MAP4K4: variants seen among roughly 807,000 people sequenced by gnomAD.
MAP4K4 encodes the protein HPK/GCK-like kinase HGK.
MAP4K4 carries 38 observed loss-of-function variants against 189.6 expected under a neutral mutation model. The observed-to-expected ratio is 0.20, with a 90% CI of 0.15 to 0.26. The LOEUF (loss-of-function observed/expected upper bound fraction) is 0.26, where lower values mean the gene tolerates loss of function less well. MAP4K4 is among the 10% of genes least tolerant of loss of function. The probability of loss-of-function intolerance (pLI) is 1.00; values close to 1 mark genes in which losing one functional copy is unlikely to be tolerated. For missense variants in MAP4K4, 1,054 were observed against 1,726.9 expected (o/e 0.61, Z 6.91); for synonymous variants, 610 against 624.3 (o/e 0.98, Z 0.34).
At chr2:101,797,002 C>T (rs1053409926) in intron 3 of MAP4K4, among the ~76,000 whole-genome samples, 2 of 152,206 alleles carry the variant, frequency 1.3e-5, no homozygotes, top group Admixed American at 1.3e-4. Flanking sequence ...GCCTTCTGAG[C>T]TCTGACCACG....
intron 2 of MAP4K4, among the ~76,000 whole-genome samples, chr2:101,760,528 ATATG>A (rs1179498156): frequency 1.8e-4 from 20 of 108,512 alleles, no homozygotes; most frequent in African/African-American, 9.3e-4. Context: ...ATATATGTAT[ATATG>A]TGTGTGTGTG....
chr2:101,878,551 T>C (rs1201075022), intron 27 of MAP4K4, among the ~76,000 whole-genome samples: 1 of 152,236 alleles, frequency 6.6e-6, no homozygotes, highest in Non-Finnish European at 1.5e-5. Flanking sequence ...TATCTTCTCT[T>C]GCTGCCCTTT....
At chr2:101,704,553 A>T (rs2040961243) in intron 2 of MAP4K4, among the ~76,000 whole-genome samples, 1 of 69,716 alleles carries the variant, frequency 1.4e-5, no homozygotes, top group African/African-American at 7.0e-5. Flanking sequence ...ATATATATAT[A>T]TATATATATA....
exon 33 of MAP4K4, chr2:101,892,991 T>G: frequency 2.2e-6 from 1 of 456,428 alleles, no homozygotes; most frequent in South Asian, 1.5e-5. Flanking sequence ...TTTTTAGGCT[T>G]GATCTTTTTC....
chr2:101,882,733 G>T, intron 28 of MAP4K4, 48 bp downstream of exon 28: 1 of 1,461,414 alleles, frequency 6.8e-7, no homozygotes, highest in Non-Finnish European at 9.1e-7. Flanking sequence ...TTTGATTAGA[G>T]TTTGAATTTT....
At chr2:101,724,088 G>A (rs1649116819) in intron 2 of MAP4K4, among the ~76,000 whole-genome samples, 1 of 152,164 alleles carries the variant, frequency 6.6e-6, no homozygotes, top group Non-Finnish European at 1.5e-5. Flanking sequence ...TGTTTGACAT[G>A]TCTTTTTTTC....
At chr2:101,842,040 A>G (rs1393574659) in intron 10 of MAP4K4, among the ~76,000 whole-genome samples, 4 of 152,148 alleles carry the variant, frequency 2.6e-5, no homozygotes, top group Admixed American at 6.5e-5. Context: ...TTCTTTTGCT[A>G]TATGGTTTAA....
At chr2:101,753,023 G>A (rs2070021351) in intron 2 of MAP4K4, among the ~76,000 whole-genome samples, 1 of 152,192 alleles carries the variant, frequency 6.6e-6, no homozygotes, top group Non-Finnish European at 1.5e-5. Context: ...AGTAACAATA[G>A]CCAGCATTTA....
chr2:101,721,398 C>T (rs1419282242), intron 2 of MAP4K4, among the ~76,000 whole-genome samples: 4 of 147,922 alleles, frequency 2.7e-5, no homozygotes, highest in African/African-American at 1.0e-4. Flanking sequence ...TCTGAAATAT[C>T]TTTGAGTAGC....
chr2:101,760,416 G>A (rs191633633), intron 2 of MAP4K4, among the ~76,000 whole-genome samples: 34 of 150,930 alleles, frequency 2.3e-4, no homozygotes, highest in African/African-American at 8.0e-4. Context: ...TTGAACCTGG[G>A]AGGCAGAGGT....
intron 7 of MAP4K4, among the ~76,000 whole-genome samples, chr2:101,833,454 A>C (rs895854006): frequency 2.0e-5 from 3 of 151,554 alleles, no homozygotes; most frequent in Non-Finnish European, 4.4e-5. Flanking sequence ...CCCCATCTTT[A>C]CTAAAAATAC....
chr2:101,828,447 G>A (rs980404019), intron 5 of MAP4K4, among the ~76,000 whole-genome samples: 8 of 152,110 alleles, frequency 5.3e-5, no homozygotes, highest in Non-Finnish European at 1.0e-4. Context: ...AGTGCTTTGC[G>A]GTATAATACC....
chr2:101,817,439 A>G (rs2095795761), intron 3 of MAP4K4, among the ~76,000 whole-genome samples: 1 of 152,202 alleles, frequency 6.6e-6, no homozygotes, highest in Non-Finnish European at 1.5e-5. Context: ...TTGATGGGCA[A>G]CTGATGTAGA....
At chr2:101,884,156 G>A (rs1446072459) in intron 28 of MAP4K4, among the ~76,000 whole-genome samples, 2 of 151,968 alleles carry the variant, frequency 1.3e-5, no homozygotes, top group Non-Finnish European at 2.9e-5. Context: ...GATAAGTGTG[G>A]GTAATATCAT....
intron 3 of MAP4K4, among the ~76,000 whole-genome samples, chr2:101,812,546 GACTT>G (rs1245074842): frequency 1.9e-4 from 29 of 152,126 alleles, no homozygotes; most frequent in Admixed American, 6.5e-4. Context: ...AGACCAAAAT[GACTT>G]ACTACAGCTT....
intron 32 of MAP4K4, among the ~76,000 whole-genome samples, chr2:101,890,020 T>G (rs1049693839): frequency 6.6e-6 from 1 of 152,236 alleles, no homozygotes; most frequent in Non-Finnish European, 1.5e-5. Flanking sequence ...GCTTGTTGGC[T>G]TATACTTTCC....
At position 101,858,487 on chromosome 2, in the gene MAP4K4, T is replaced by C. The variant is rs997166934; in HGVS notation, c.1396-509T>C. Among the ~76,000 whole-genome samples, 14 of 152,318 alleles carry C rather than the reference T, an allele frequency of 9.2e-5. 1 individual carries two copies. The East Asian group carries it at 2.5e-3, about 27-fold the overall frequency. On this transcript the variant is annotated intron_variant, in intron 13 of 32. Transcript: ENST00000324219. The stretch of plus-strand genomic sequence containing the variant: ...GTTGCCCAAGTCTGGAATGTAGTCA[T>C]TCCAGGTGCCTTTGGAATTGTTAGT...
intron 2 of MAP4K4, among the ~76,000 whole-genome samples, chr2:101,703,617 C>CAA (rs58122658): frequency 2.2e-3 from 84 of 38,820 alleles, no homozygotes; most frequent in East Asian, 4.7e-3. Flanking sequence ...GACTCTGTCT[C>CAA]AAAAAAAAAA....
intron 2 of MAP4K4, among the ~76,000 whole-genome samples, chr2:101,718,609 G>T (rs1384863981): frequency 7.7e-6 from 1 of 129,098 alleles, no homozygotes; most frequent in Non-Finnish European, 1.7e-5. Context: ...GGGATGGGGG[G>T]TGGGGTGGTG....
Sources: allele counts gnomAD v4.1 joint callset (sites outside exome capture counted in the v4.1 genomes callset), GRCh38; gene constraint gnomAD v4.1.1; transcripts MANE v1.5; gene names NCBI Gene and HGNC (gene_info 2026-07-23, HGNC 2026-07-21).